RSRP1: variants seen among roughly 807,000 people sequenced by gnomAD.
The protein encoded by RSRP1 is arginine and serine rich protein 1.
Under a neutral mutation model 33.0 loss-of-function variants are expected in RSRP1, and 37 were observed. That is an observed-to-expected ratio of 1.12 (90% CI 0.86 to 1.48). RSRP1 has a LOEUF of 1.48. RSRP1 is among the 40% of genes most tolerant of loss of function. The pLI, the probability that RSRP1 is intolerant of heterozygous loss-of-function variation, is 0.00. For missense variants in RSRP1, 402 were observed against 385.3 expected, an observed-to-expected ratio of 1.04 and a Z score of -0.36; for synonymous variants, 167 against 158.7, an observed-to-expected ratio of 1.05 and a Z score of -0.40.
At chr1:25,330,939 C>G (rs1381723093) in intron 1 of RSRP1, among the ~76,000 whole-genome samples, 2 of 107,086 alleles carry the variant, frequency 1.9e-5, no homozygotes, top group East Asian at 4.4e-4. Context: ...TTTTACACTT[C>G]TGGTGTCATC....
intron 1 of RSRP1, among the ~76,000 whole-genome samples, chr1:25,262,779 A>G (rs1159487734): frequency 6.6e-6 from 1 of 152,262 alleles, no homozygotes; most frequent in East Asian, 1.9e-4. Context: ...GGAAGCGTGT[A>G]TTCCAGCTCC....
At chr1:25,243,741 A>T in intron 3 of RSRP1, 108 bp from the exon 4 acceptor site, 1 of 1,482,652 alleles carries the variant, frequency 6.7e-7, no homozygotes, top group Non-Finnish European at 9.0e-7. Context: ...TAGACACAAA[A>T]ATCAACTTGG....
In RSRP1 at chr1:25,308,426, C is replaced by T. The variant is rs533028942; in HGVS notation, c.-67+29552G>A. Among the ~76,000 whole-genome samples, 33 of 126,282 alleles carry T rather than the reference C, an allele frequency of 2.6e-4. 6 individuals carry two copies. The highest frequency in any genetic ancestry group is 9.0e-4 in the African/African-American group (33 of 36,614). The allele number at this position is 126,282 out of a possible 152,430, so 82.8% of individuals were successfully genotyped here. On this transcript the variant is annotated intron_variant, in intron 1 of 1. Transcript: ENST00000561867. ...AACAAGCCCCACAAGTGTTCTCTTG[C>T]AAGCTCAAGTTTTAGAACCACTGAC...
chr1:25,250,785 C>T (rs919247588), upstream of RSRP1, among the ~76,000 whole-genome samples: 2 of 151,998 alleles, frequency 1.3e-5, no homozygotes, highest in Non-Finnish European at 2.9e-5. Context: ...CCAAGGCAGG[C>T]GGATCACCAG....
In RSRP1 at chr1:25,242,657, C is replaced by T; in HGVS notation, c.805G>A (p.Glu269Lys). The T allele has an allele frequency of 2.5e-6, 4 of 1,612,124 alleles. No homozygotes were observed. Among genetic ancestry groups the T allele is most frequent in the Non-Finnish European group, 3.4e-6 (4 of 1,179,902 alleles). The change falls in exon 5 of 5, where the codon GAG becomes AAG. Residue 269 changes from glutamate (E) to lysine (K), a missense_variant. Coordinates refer to ENST00000243189, the MANE Select transcript of RSRP1 (RefSeq NM_020317.5). ...ATTTTTGGTGATCTTGAAGATGCCT[C>T]TTCTGTGGCAGCTTTAGCTGATTTT... ...IQKSAKAATE[E>K]ASSRSPKIDQ...
chr1:25,250,992 C>A (rs1244561363), upstream of RSRP1, among the ~76,000 whole-genome samples: 1 of 150,814 alleles, frequency 6.6e-6, no homozygotes, highest in Non-Finnish European at 1.5e-5. Context: ...CTGGGCAACA[C>A]AGCGAGACTC....
At chr1:25,290,347 T>C (rs1642381430) in intron 1 of RSRP1, among the ~76,000 whole-genome samples, 1 of 122,276 alleles carries the variant, frequency 8.2e-6, no homozygotes. Flanking sequence ...CTCAGTCAGA[T>C]GAGTGTGTGT....
chr1:25,248,346 T>C (rs1304930522), upstream of RSRP1: 2 of 137,698 alleles, frequency 1.5e-5, no homozygotes, highest in African/African-American at 5.2e-5. Flanking sequence ...GTGGGTTAAT[T>C]GCCTTTTTTT....
At chr1:25,290,764 G>C in intron 1 of RSRP1, 1 of 1,377,408 alleles carries the variant, frequency 7.3e-7, no homozygotes, top group East Asian at 2.2e-5. Context: ...TAGGCAACCT[G>C]AGGATGGTCA....
intron 1 of RSRP1, among the ~76,000 whole-genome samples, chr1:25,259,205 T>C (rs1640048119): frequency 6.6e-6 from 1 of 152,260 alleles, no homozygotes; most frequent in Admixed American, 6.5e-5. Flanking sequence ...GCGAATCTCC[T>C]GCCTCAGCCT....
chr1:25,290,758 C>A lies in RSRP1; in HGVS notation c.-66-43729G>T. 2.2e-6 allele frequency: 3 copies of A among 1,377,252 alleles called. 1 individual carries two copies. The highest frequency in any genetic ancestry group is 3.1e-6 in the Non-Finnish European group (3 of 978,204). 85.3% of individuals were successfully genotyped at this position (1,377,252 alleles called of 1,614,324 possible). On this transcript the variant is annotated intron_variant, in intron 1 of 1. Coordinates refer to the RSRP1 transcript ENST00000561867. ...TGCTGGTGGAGGTGACAGCTTTAGGCAACCTGAGGATGGTCATCAGTAATA... is the reference window on the plus strand; with the variant it reads ...TGCTGGTGGAGGTGACAGCTTTAGGAAACCTGAGGATGGTCATCAGTAATA...
chr1:25,310,277 T>G lies in RSRP1; in HGVS notation c.-67+27701A>C, dbSNP rs1381529954. Among the ~76,000 whole-genome samples the G allele has an allele frequency of 3.0e-5, 4 of 133,084 alleles. 2 individuals carry two copies. Among genetic ancestry groups the G allele is most frequent in the Non-Finnish European group, 7.1e-5 (4 of 55,984 alleles). 87.3% of individuals were successfully genotyped at this position (133,084 alleles called of 152,430 possible). ...TTTTGGAGGAAGGGCCTTTGGGAAG[T>G]AATTAGGATTAGATAAGGTCATGGG... On this transcript the variant is annotated intron_variant, in intron 1 of 1. Transcript: ENST00000561867.
Position 25,301,556 on chromosome 1 carries a change from A to C in RSRP1, c.-67+36422T>G, listed in dbSNP as rs756129923. ...TTGTGGATGTTCTGGCCAAGTTTCAACTCTGCTCTGCTGAGAAGTCCAATC... is the reference window on the plus strand; with the variant it reads ...TTGTGGATGTTCTGGCCAAGTTTCACCTCTGCTCTGCTGAGAAGTCCAATC... On this transcript the variant is annotated intron_variant, in intron 1 of 1. Transcript: ENST00000561867. 12 of 1,378,650 alleles carry C rather than the reference A, an allele frequency of 8.7e-6. 2 individuals carry two copies. The highest frequency in any genetic ancestry group is 1.4e-5 in the African/African-American group (1 of 70,042). The allele number at this position is 1,378,650 out of a possible 1,614,324, so 85.4% of individuals were successfully genotyped here. A position where few individuals can be genotyped will look rare whatever the true frequency, so the allele number is the denominator to read the frequency against.
chr1:25,321,349 C>CA (rs569995563), intron 1 of RSRP1, among the ~76,000 whole-genome samples: 2,613 of 87,128 alleles, frequency 0.03, 306 homozygotes, highest in African/African-American at 0.062. Context: ...TTCTTTTTTT[C>CA]AAAAAAAAAA....
chr1:25,261,884 G>A (rs1640168367), intron 1 of RSRP1, among the ~76,000 whole-genome samples: 1 of 150,726 alleles, frequency 6.6e-6, no homozygotes, highest in Admixed American at 6.6e-5. Context: ...GCTACTTTTT[G>A]TATTTTTAGT....
intron 1 of RSRP1, chr1:25,253,359 C>G (rs1639849081): frequency 6.6e-6 from 1 of 152,554 alleles, no homozygotes; most frequent in African/African-American, 2.4e-5. Flanking sequence ...TGGTCTATCC[C>G]ATTGTTTTGT....
intron 1 of RSRP1, among the ~76,000 whole-genome samples, chr1:25,290,210 C>G (rs1428329248): frequency 1.5e-5 from 2 of 129,302 alleles, no homozygotes. Context: ...GATGGGGTGA[C>G]TGGATGTGGG....
At chr1:25,248,884 C>T (rs189038594), upstream of RSRP1, among the ~76,000 whole-genome samples, 341 of 152,260 alleles carry the variant, frequency 2.2e-3, 4 homozygotes, top group Non-Finnish European at 1.0e-3. Flanking sequence ...CGCGGTGGCT[C>T]ACGCTTGTAA....
Position 25,306,494 on chromosome 1 carries a change from C to T in RSRP1, c.-67+31484G>A. On this transcript the variant is annotated intron_variant, in intron 1 of 1. Coordinates refer to the RSRP1 transcript ENST00000561867. ...CTTCTTTGAGGTGAGCCTTAGTGCCCATCCCCCTTTGGTGGCCCCGGATAC... is the reference window on the plus strand; with the variant it reads ...CTTCTTTGAGGTGAGCCTTAGTGCCTATCCCCCTTTGGTGGCCCCGGATAC... The T allele has an allele frequency of 2.7e-6, 3 of 1,103,586 alleles. 1 individual carries two copies. The highest frequency in any genetic ancestry group is 2.5e-5 in the South Asian group (2 of 79,866). The allele number at this position is 1,103,586 out of a possible 1,614,324, so 68.4% of individuals were successfully genotyped here. A position where few individuals can be genotyped will look rare whatever the true frequency, so the allele number is the denominator to read the frequency against.
Sources: gnomAD v4.1 joint callset for allele counts (sites outside exome capture counted in the v4.1 genomes callset) on GRCh38, gnomAD v4.1.1 for gene constraint, MANE v1.5 for transcripts, NCBI Gene and HGNC (gene_info 2026-07-23, HGNC 2026-07-21) for gene names.